Variants in SYT1 observed in about 807,000 individuals in gnomAD.
SYT1 encodes synaptotagmin-1.
A neutral mutation model predicts 44.8 loss-of-function variants in SYT1; 8 were observed. The ratio of observed to expected loss-of-function variants is 0.18; its 90% CI spans 0.10 to 0.32. SYT1 has a LOEUF of 0.32. Ranked by LOEUF, SYT1 falls within the 10% of genes least tolerant of loss-of-function variation. The pLI is 1.00. For synonymous variants in SYT1, 154 were observed against 188.8 expected (o/e 0.82, Z 1.51); for missense variants, 286 against 509.3 (o/e 0.56, Z 4.22).
chr12:79,331,841 G>C (rs1277582810), intron 8 of SYT1, among the ~76,000 whole-genome samples: 1 of 151,790 alleles, frequency 6.6e-6, no homozygotes, highest in Non-Finnish European at 1.5e-5. Flanking sequence ...AAAAAATAAA[G>C]TCATAAAAAA....
At chr12:79,179,451 G>C (rs1413027108) in intron 3 of SYT1, among the ~76,000 whole-genome samples, 4 of 58,262 alleles carry the variant, frequency 6.9e-5, no homozygotes, top group Non-Finnish European at 1.2e-4. Context: ...TATAGATATA[G>C]ATATAATCTA....
chr12:79,045,980 C>G (rs1346134410), intron 2 of SYT1, among the ~76,000 whole-genome samples: 1 of 152,084 alleles, frequency 6.6e-6, no homozygotes, highest in Non-Finnish European at 1.5e-5. Context: ...GAATCTTGCT[C>G]TAGTTTTTGT....
At chr12:79,306,065 C>T (rs1188936134) in intron 8 of SYT1, among the ~76,000 whole-genome samples, 1 of 152,172 alleles carries the variant, frequency 6.6e-6, no homozygotes, top group Non-Finnish European at 1.5e-5. Context: ...CCCATTTTCT[C>T]TCTACACTGC....
At chr12:78,986,275 T>C (rs1249968435) in intron 2 of SYT1, among the ~76,000 whole-genome samples, 1 of 152,044 alleles carries the variant, frequency 6.6e-6, no homozygotes, top group Non-Finnish European at 1.5e-5. Flanking sequence ...TCCATTTTCT[T>C]TTTGTATATC....
At chr12:79,023,284 G>C (rs570328261) in intron 2 of SYT1, among the ~76,000 whole-genome samples, 2 of 151,884 alleles carry the variant, frequency 1.3e-5, no homozygotes, top group East Asian at 3.9e-4. Context: ...GATTATGGCT[G>C]TCATTGTGCT....
At chr12:79,070,826 A>G (rs1393120774) in intron 3 of SYT1, among the ~76,000 whole-genome samples, 1 of 152,118 alleles carries the variant, frequency 6.6e-6, no homozygotes, top group Non-Finnish European at 1.5e-5. Flanking sequence ...AATATCATGC[A>G]GTATACTTTT....
intron 3 of SYT1, among the ~76,000 whole-genome samples, chr12:79,134,380 C>G (rs992694102): frequency 6.6e-6 from 1 of 152,156 alleles, no homozygotes; most frequent in Non-Finnish European, 1.5e-5. Flanking sequence ...AGCTGAGGAA[C>G]ATTTTTCTGA....
chr12:79,075,816 A>T (rs557942336), intron 3 of SYT1, among the ~76,000 whole-genome samples: 1 of 152,154 alleles, frequency 6.6e-6, no homozygotes, highest in East Asian at 1.9e-4. Flanking sequence ...TCATAGTCAT[A>T]CACAGATTTT....
rs956681981 is a variant in SYT1 at position 78,988,520 on chromosome 12, A to G, written c.-84+10589A>G. 2.6e-5 allele frequency among the ~76,000 whole-genome samples: 4 copies of G among 151,870 alleles called. No homozygotes were observed. In the Admixed American group the frequency reaches 2.6e-4, roughly 10 times the overall value. ...ACGGTGAAATTTACATAGATTGTTCAGAGATGGCCTCATTGAGAAAATGAC... is the reference window on the plus strand; with the variant it reads ...ACGGTGAAATTTACATAGATTGTTCGGAGATGGCCTCATTGAGAAAATGAC... On this transcript the variant is annotated intron_variant, in intron 2 of 10. Coordinates refer to ENST00000261205, the MANE Select transcript of SYT1 (RefSeq NM_005639.3).
At chr12:78,966,016 G>T (rs1879751868) in intron 1 of SYT1, among the ~76,000 whole-genome samples, 1 of 151,092 alleles carries the variant, frequency 6.6e-6, no homozygotes, top group South Asian at 2.1e-4. Flanking sequence ...GGCAAAGATT[G>T]CAGTGAGATG....
chr12:79,106,952 CAT>C (rs1878751383), intron 3 of SYT1, among the ~76,000 whole-genome samples: 1 of 151,948 alleles, frequency 6.6e-6, no homozygotes, highest in South Asian at 2.1e-4. Flanking sequence ...TGTTATCCAA[CAT>C]ATGTCTCACT....
chr12:79,106,922 A>G (rs1226185947), intron 3 of SYT1, among the ~76,000 whole-genome samples: 2 of 152,102 alleles, frequency 1.3e-5, no homozygotes, highest in Non-Finnish European at 2.9e-5. Context: ...TAAAAATTGT[A>G]TACATTGTTC....
intron 2 of SYT1, among the ~76,000 whole-genome samples, chr12:79,005,199 A>G (rs955132715): frequency 6.6e-5 from 10 of 152,070 alleles, no homozygotes; most frequent in African/African-American, 2.4e-4. Flanking sequence ...TAGGCCAGCC[A>G]TAGACTTTAG....
intron 3 of SYT1, among the ~76,000 whole-genome samples, chr12:79,137,949 C>T (rs1220255194): frequency 6.6e-6 from 1 of 152,186 alleles, no homozygotes; most frequent in Admixed American, 6.5e-5. Flanking sequence ...TTCCTGCAAG[C>T]AGTCATGCAT....
Position 79,365,834 on chromosome 12 carries a change from G to GAAAAAAAAAA in SYT1, c.928+12222_928+12231dup, listed in dbSNP as rs57702061. On this transcript the variant is annotated intron_variant, in intron 9 of 10. Coordinates refer to ENST00000261205, the MANE Select transcript of SYT1 (RefSeq NM_005639.3). ...CCTAGACTGATTGCAAAGAGTACCA[G>GAAAAAAAAAA]AAAAAAAAAAAAAAAAGCAGGTCAT... Among the ~76,000 whole-genome samples the GAAAAAAAAAA allele has an allele frequency of 3.9e-4, 41 of 104,026 alleles. 2 individuals carry two copies. The highest frequency in any genetic ancestry group is 8.4e-4 in the African/African-American group (23 of 27,264). The allele number at this position is 104,026 out of a possible 152,430, so 68.2% of individuals were successfully genotyped here. A position where few individuals can be genotyped will look rare whatever the true frequency, so the allele number is the denominator to read the frequency against.
At position 79,299,555 on chromosome 12, in the gene SYT1, A is replaced by C. The variant is rs1880034281; in HGVS notation, c.810+4A>C. ...GCAAAGTGCTGAGAAGGAAGAGGTA[A>C]GGGAATTACTAGCATTTCTAACATC... is the stretch of plus-strand genomic sequence containing the variant. On this transcript the variant is annotated splice_donor_region_variant and intron_variant, in intron 8 of 10. Transcript: ENST00000261205. 6.2e-7 allele frequency: 1 copy of C among 1,610,932 alleles called. No homozygotes were observed.
At chr12:78,996,744 C>A (rs989084610) in intron 2 of SYT1, among the ~76,000 whole-genome samples, 1 of 152,086 alleles carries the variant, frequency 6.6e-6, no homozygotes, top group African/African-American at 2.4e-5. Context: ...TCTAGTTTAC[C>A]AAAATACAGA....
chr12:78,887,036 G>A (rs965307360), intron 1 of SYT1, among the ~76,000 whole-genome samples: 3 of 151,972 alleles, frequency 2.0e-5, no homozygotes, highest in African/African-American at 7.2e-5. Flanking sequence ...ACCTTTTACA[G>A]TAGTCCTCCT....
intron 4 of SYT1, among the ~76,000 whole-genome samples, chr12:79,234,719 T>TG (rs1876082623): frequency 6.7e-6 from 1 of 149,370 alleles, no homozygotes; most frequent in African/African-American, 2.5e-5. Flanking sequence ...TTTCTTTTTT[T>TG]TTTTTTTTTT....
Sources: gnomAD v4.1 joint callset for allele counts (sites outside exome capture counted in the v4.1 genomes callset) on GRCh38, gnomAD v4.1.1 for gene constraint, MANE v1.5 for transcripts, NCBI Gene and HGNC (gene_info 2026-07-23, HGNC 2026-07-21) for gene names.